Variants in TSHZ2 observed in about 807,000 individuals in gnomAD.
TSHZ2 encodes the protein teashirt homolog 2.
A neutral mutation model predicts 74.4 loss-of-function variants in TSHZ2; 21 were observed. The ratio of observed to expected loss-of-function variants is 0.28; its 90% CI spans 0.20 to 0.41. TSHZ2 has a LOEUF of 0.41. Among genes scored for constraint, TSHZ2 ranks in the 10% least tolerant of loss-of-function variants. The pLI, the probability that TSHZ2 is intolerant of heterozygous loss-of-function variation, is 1.00. For missense variants in TSHZ2, 1,244 were observed against 1,293.5 expected (o/e 0.96, Z 0.59); for synonymous variants, 540 against 515.3 (o/e 1.05, Z -0.65).
chr20:53,043,637 A>G (rs1260617799), intron 1 of TSHZ2, among the ~76,000 whole-genome samples: 1 of 152,160 alleles, frequency 6.6e-6, no homozygotes, highest in African/African-American at 2.4e-5. Flanking sequence ...CAAAGTCACA[A>G]CTTTAATACT....
At chr20:53,048,475 T>C (rs892546333) in intron 1 of TSHZ2, among the ~76,000 whole-genome samples, 2 of 152,188 alleles carry the variant, frequency 1.3e-5, no homozygotes, top group African/African-American at 4.8e-5. Flanking sequence ...TGTCTTTCTT[T>C]AGCATCCACG....
intron 1 of TSHZ2, among the ~76,000 whole-genome samples, chr20:53,043,314 G>A (rs559572376): frequency 2.0e-5 from 3 of 152,206 alleles, no homozygotes; most frequent in Admixed American, 2.0e-4. Context: ...CCTCTCAGGG[G>A]ACATTACCAA....
At chr20:52,975,645 C>T (rs570749581) in intron 1 of TSHZ2, among the ~76,000 whole-genome samples, 1 of 151,896 alleles carries the variant, frequency 6.6e-6, no homozygotes, top group South Asian at 2.1e-4. Flanking sequence ...AAGCGGAAAC[C>T]CTTTTTAAGC....
intron 1 of TSHZ2, among the ~76,000 whole-genome samples, chr20:53,112,164 G>A (rs575270800): frequency 6.6e-6 from 1 of 152,312 alleles, no homozygotes; most frequent in South Asian, 2.1e-4. Flanking sequence ...GTCACCAGAG[G>A]GCAGGGAGGG....
chr20:53,298,811 G>A (rs781081622), intron 2 of TSHZ2, among the ~76,000 whole-genome samples: 2 of 152,196 alleles, frequency 1.3e-5, no homozygotes, highest in Non-Finnish European at 2.9e-5. Flanking sequence ...CAAGTAAATT[G>A]TATATTGCAG....
intron 2 of TSHZ2, among the ~76,000 whole-genome samples, chr20:53,424,652 A>G (rs918492124): frequency 3.3e-5 from 5 of 151,936 alleles, no homozygotes; most frequent in African/African-American, 9.7e-5. Context: ...GGTTTCCTGC[A>G]CCTGTCAACC....
chr20:53,056,185 T>C (rs1984634043), intron 1 of TSHZ2, among the ~76,000 whole-genome samples: 1 of 152,232 alleles, frequency 6.6e-6, no homozygotes, highest in East Asian at 1.9e-4. Flanking sequence ...TGCTTCAGCC[T>C]TTTTTCTTAT....
chr20:53,316,743 C>A (rs972371717), intron 2 of TSHZ2, among the ~76,000 whole-genome samples: 1 of 152,030 alleles, frequency 6.6e-6, no homozygotes, highest in African/African-American at 2.4e-5. Flanking sequence ...GCTCTCACTG[C>A]AAAGTTAAGT....
intron 2 of TSHZ2, among the ~76,000 whole-genome samples, chr20:53,433,289 C>T (rs958915580): frequency 1.3e-5 from 2 of 152,156 alleles, no homozygotes; most frequent in Non-Finnish European, 2.9e-5. Flanking sequence ...ATCACTTGAG[C>T]ATGGGGGTTC....
intron 1 of TSHZ2, among the ~76,000 whole-genome samples, chr20:53,020,118 G>T (rs1030103144): frequency 6.6e-6 from 1 of 152,064 alleles, no homozygotes; most frequent in Non-Finnish European, 1.5e-5. Context: ...AACAGCATGG[G>T]GGAAACCACC....
Position 53,254,714 on chromosome 20 carries a change from T to A in TSHZ2, c.1256T>A (p.Leu419Gln). 6.2e-7 allele frequency: 1 copy of A among 1,614,194 alleles called. No homozygotes were observed. Among genetic ancestry groups the A allele is most frequent in the African/African-American group, 1.3e-5 (1 of 75,048 alleles). ...TSSASKKGKQ[L>Q]VLDPLAVEKM... is the part of the protein sequence containing the mutation. ...TCTGCCTCCAAGAAAGGGAAGCAGC[T>A]GGTATTAGACCCGTTAGCAGTGGAG... is the stretch of plus-strand genomic sequence containing the variant. Residue 419 changes from leucine to glutamine, a missense_variant, in exon 2 of 3, where the codon CTG (leucine) becomes CAG (glutamine). Physicochemically the swap from Leu to Gln is moderately radical, Grantham distance 113. Transcript: ENST00000371497.
intron 2 of TSHZ2, among the ~76,000 whole-genome samples, chr20:53,354,519 A>G (rs1980772226): frequency 1.3e-5 from 2 of 152,238 alleles, no homozygotes; most frequent in Admixed American, 1.3e-4. Context: ...AAGCAGGTGA[A>G]GGGCTCAAAA....
chr20:53,172,216 G>A (rs1988220183), intron 1 of TSHZ2, among the ~76,000 whole-genome samples: 1 of 152,148 alleles, frequency 6.6e-6, no homozygotes, highest in Admixed American at 6.5e-5. Flanking sequence ...AGTCCCAAGA[G>A]GACAAGGGCA....
chr20:53,140,631 T>G (rs1045234732), intron 1 of TSHZ2, among the ~76,000 whole-genome samples: 3 of 151,990 alleles, frequency 2.0e-5, no homozygotes, highest in African/African-American at 7.3e-5. Flanking sequence ...AATTTCTGAT[T>G]CTGACCCCCA....
In TSHZ2 at chr20:53,431,287, T is replaced by A. The variant is rs549042043; in HGVS notation, c.*9-55857T>A. ...GCCTGGCCAGCATGGCGAAACCCCA[T>A]CTCTACTAAAAATACAAAATTAGCC... is the stretch of plus-strand genomic sequence containing the variant. On this transcript the variant is annotated intron_variant, in intron 2 of 2. Transcript: ENST00000371497. 4.6e-5 allele frequency among the ~76,000 whole-genome samples: 7 copies of A among 151,962 alleles called. No individual in the cohort carries two copies. The East Asian group carries it at 9.7e-4, about 21-fold the overall frequency.
At chr20:53,028,868 T>C (rs1055372553) in intron 1 of TSHZ2, among the ~76,000 whole-genome samples, 2 of 152,236 alleles carry the variant, frequency 1.3e-5, no homozygotes, top group Admixed American at 6.5e-5. Flanking sequence ...ATGAATCCAC[T>C]GACAGGTGTA....
rs560640621 is a variant in TSHZ2, at chr20:53,433,993, C to T, written c.*9-53151C>T. Among the ~76,000 whole-genome samples the T allele has an allele frequency of 1.1e-4, 17 of 152,264 alleles. No individual in the cohort carries two copies. In the South Asian group the frequency reaches 1.2e-3, roughly 11 times the overall value. Reference sequence around the variant, plus strand: ...AAGCAATTCTCCTGCCTCAGCCTCCCAAGTAGCTGGGACTACAGGCACATG... The same window carrying T: ...AAGCAATTCTCCTGCCTCAGCCTCCTAAGTAGCTGGGACTACAGGCACATG... On this transcript the variant is annotated intron_variant, in intron 2 of 2. Coordinates refer to ENST00000371497, the MANE Select transcript of TSHZ2 (RefSeq NM_173485.6).
At chr20:53,162,641 G>C (rs1242679310) in intron 1 of TSHZ2, among the ~76,000 whole-genome samples, 1 of 152,154 alleles carries the variant, frequency 6.6e-6, no homozygotes, top group African/African-American at 2.4e-5. Flanking sequence ...TGTCCTTGTA[G>C]ATGTTAAAAT....
intron 2 of TSHZ2, among the ~76,000 whole-genome samples, chr20:53,396,018 C>A (rs933032563): frequency 2.6e-5 from 4 of 152,210 alleles, no homozygotes; most frequent in African/African-American, 9.7e-5. Flanking sequence ...TCACTGCAGG[C>A]TCCTCTTCCC....
Sources: allele counts gnomAD v4.1 joint callset (sites outside exome capture counted in the v4.1 genomes callset), GRCh38; gene constraint gnomAD v4.1.1; transcripts MANE v1.5; gene names NCBI Gene and HGNC (gene_info 2026-07-23, HGNC 2026-07-21).